CHD9NB: variants seen among roughly 807,000 people sequenced by gnomAD.
CHD9NB encodes CHD9 neighbor protein.
chr16:53,048,027 G>A, the CHD9NB span, among the ~76,000 whole-genome samples: 1 of 136,840 alleles, frequency 7.3e-6, no homozygotes, highest in East Asian at 2.3e-4. Context: ...AGGGAGGGAA[G>A]GGAAGGAAAG....
At chr16:53,051,866 T>C in the CHD9NB span, among the ~76,000 whole-genome samples, 2 of 145,906 alleles carry the variant, frequency 1.4e-5, no homozygotes, top group African/African-American at 5.2e-5. Context: ...CAGCACATAG[T>C]AGGTGCTTAG....
the CHD9NB span, among the ~76,000 whole-genome samples, chr16:53,052,006 C>T: frequency 6.6e-6 from 1 of 151,146 alleles, no homozygotes; most frequent in Admixed American, 6.6e-5. Flanking sequence ...TCAGTTTCTT[C>T]GCTGAGAAAG....
At chr16:53,036,733 C>T in the CHD9NB span, among the ~76,000 whole-genome samples, 1 of 152,208 alleles carries the variant, frequency 6.6e-6, no homozygotes, top group Admixed American at 6.5e-5. Context: ...CACCAAAACT[C>T]ATACCCTGTA....
At chr16:53,040,938 T>C in the CHD9NB span, among the ~76,000 whole-genome samples, 4 of 148,982 alleles carry the variant, frequency 2.7e-5, no homozygotes, top group African/African-American at 5.0e-5. Flanking sequence ...GATGAAAGGA[T>C]GGATGGACAG....
the CHD9NB span, among the ~76,000 whole-genome samples, chr16:53,040,428 C>T: frequency 6.6e-6 from 1 of 152,134 alleles, no homozygotes; most frequent in African/African-American, 2.4e-5. Context: ...GTGCCGTGGG[C>T]ACCTTAGGCT....
chr16:53,040,066 T>C, the CHD9NB span, among the ~76,000 whole-genome samples: 1 of 151,910 alleles, frequency 6.6e-6, no homozygotes, highest in South Asian at 2.1e-4. Flanking sequence ...CACTTCATGA[T>C]TTGATCCCTT....
At chr16:53,052,491 C>T in the CHD9NB span, among the ~76,000 whole-genome samples, 2 of 152,188 alleles carry the variant, frequency 1.3e-5, no homozygotes, top group Admixed American at 1.3e-4. Flanking sequence ...GAAAACAGAT[C>T]TGTTGATAAC....
the CHD9NB span, among the ~76,000 whole-genome samples, chr16:53,040,453 C>T: frequency 6.6e-6 from 1 of 152,192 alleles, no homozygotes; most frequent in Admixed American, 6.5e-5. Context: ...TTACACTGTA[C>T]ATTGTGCCCC....
the CHD9NB span, chr16:53,035,835 C>T: frequency 1.3e-5 from 2 of 152,124 alleles, no homozygotes; most frequent in Non-Finnish European, 2.9e-5. Flanking sequence ...CATGGTGGCA[C>T]ATGCCTGTAG....
the CHD9NB span, among the ~76,000 whole-genome samples, chr16:53,037,210 A>G: frequency 6.6e-6 from 1 of 152,198 alleles, no homozygotes; most frequent in East Asian, 1.9e-4. Context: ...CTGGGATTAC[A>G]GGCGTGAGCC....
At chr16:53,049,446 G>T in the CHD9NB span, among the ~76,000 whole-genome samples, 1 of 152,068 alleles carries the variant, frequency 6.6e-6, no homozygotes, top group Non-Finnish European at 1.5e-5. Context: ...AAAGTGTTGG[G>T]ATTACAGACA....
chr16:53,050,800 C>T, the CHD9NB span, among the ~76,000 whole-genome samples: 6 of 152,078 alleles, frequency 3.9e-5, no homozygotes, highest in Admixed American at 2.6e-4. Flanking sequence ...TCCTTCTCTA[C>T]GCCTTCTGCT....
chr16:53,042,352 C>T, the CHD9NB span, among the ~76,000 whole-genome samples: 1 of 150,360 alleles, frequency 6.7e-6, no homozygotes, highest in Non-Finnish European at 1.5e-5. Context: ...CCTCTCCCCG[C>T]TCTTTCATCT....
chr16:53,051,768 A>ACTATATAT, the CHD9NB span, among the ~76,000 whole-genome samples: 1 of 104,644 alleles, frequency 9.6e-6, no homozygotes, highest in African/African-American at 5.2e-5. Context: ...TAAAAGTATA[A>ACTATATAT]ATATATATAT....
chr16:53,044,348 C>T, the CHD9NB span: 3 of 393,352 alleles, frequency 7.6e-6, no homozygotes, highest in Non-Finnish European at 1.3e-5. Flanking sequence ...GTGGGCAGGG[C>T]CTGGAGAGCT....
At chr16:53,052,165 T>TGCTA in the CHD9NB span, among the ~76,000 whole-genome samples, 1 of 147,582 alleles carries the variant, frequency 6.8e-6, no homozygotes, top group Admixed American at 6.8e-5. Context: ...AAATGCTTGA[T>TGCTA]GCTAGGAGTT....
chr16:53,039,991 T>G, the CHD9NB span, among the ~76,000 whole-genome samples: 32 of 152,284 alleles, frequency 2.1e-4, no homozygotes, highest in African/African-American at 7.7e-4. Flanking sequence ...ATCATTCTTC[T>G]GCCGAAAGAC....
At chr16:53,042,236 C>T in the CHD9NB span, among the ~76,000 whole-genome samples, 1 of 151,474 alleles carries the variant, frequency 6.6e-6, no homozygotes, top group African/African-American at 2.4e-5. Context: ...CACCCTCTCC[C>T]CATTTTTCTC....
At chr16:53,050,849 C>T in the CHD9NB span, among the ~76,000 whole-genome samples, 17 of 152,078 alleles carry the variant, frequency 1.1e-4, no homozygotes, top group Non-Finnish European at 2.2e-4. Flanking sequence ...TCCAGTGCCA[C>T]CATTTCTAGC....
Sources: allele counts gnomAD v4.1 joint callset (sites outside exome capture counted in the v4.1 genomes callset), GRCh38; gene constraint gnomAD v4.1.1; transcripts MANE v1.5; gene names NCBI Gene and HGNC (gene_info 2026-07-23, HGNC 2026-07-21).